Variants in TMTC3 observed in about 807,000 individuals in gnomAD.
The protein encoded by TMTC3 is transmembrane O-mannosyltransferase targeting cadherins 3.
A neutral mutation model predicts 92.2 loss-of-function variants in TMTC3; 52 were observed. That is an observed-to-expected ratio of 0.56 (90% CI 0.45 to 0.71). TMTC3 has a LOEUF of 0.71. Among genes scored for constraint, TMTC3 ranks in the 30% least tolerant of loss-of-function variants. The pLI is 0.00. For missense variants in TMTC3, 896 were observed against 1,057.1 expected (o/e 0.85, Z 2.11); for synonymous variants, 339 against 363.3 (o/e 0.93, Z 0.76).
chr12:88,166,208 G>A (rs930627610), intron 6 of TMTC3, 122 bp from the exon 7 acceptor site: 2 of 962,592 alleles, frequency 2.1e-6, no homozygotes, highest in Non-Finnish European at 3.0e-6. Context: ...CATAACATTT[G>A]TCTGTGTCTT....
At chr12:88,190,884 C>T (rs1342570799) in intron 12 of TMTC3, among the ~76,000 whole-genome samples, 1 of 152,102 alleles carries the variant, frequency 6.6e-6, no homozygotes, top group Admixed American at 6.5e-5. Flanking sequence ...GTCTTAGTTG[C>T]ATTTTCTTCC....
intron 9 of TMTC3, 32 bp downstream of exon 9, chr12:88,174,759 TG>T: frequency 6.2e-7 from 1 of 1,608,574 alleles, no homozygotes; most frequent in South Asian, 1.1e-5. Context: ...CAGGAAAGTA[TG>T]TCATCAGTGA....
intron 12 of TMTC3, 74 bp downstream of exon 12, chr12:88,190,696 G>T: frequency 3.5e-6 from 5 of 1,448,792 alleles, no homozygotes; most frequent in Admixed American, 2.1e-5. Context: ...TGAATGAATT[G>T]GTTTTTTTTG....
chr12:88,175,980 T>G (rs1257800137), intron 9 of TMTC3, among the ~76,000 whole-genome samples: 3 of 152,164 alleles, frequency 2.0e-5, no homozygotes, highest in African/African-American at 7.2e-5. Flanking sequence ...CAGTAAAATG[T>G]TAATATATAA....
At chr12:88,146,291 C>T (rs1397698971) in intron 1 of TMTC3, among the ~76,000 whole-genome samples, 1 of 152,090 alleles carries the variant, frequency 6.6e-6, no homozygotes, top group Non-Finnish European at 1.5e-5. Context: ...TTTATAACTT[C>T]TTCCCCATTG....
At chr12:88,144,850 T>C (rs2040853236) in intron 1 of TMTC3, among the ~76,000 whole-genome samples, 1 of 152,200 alleles carries the variant, frequency 6.6e-6, no homozygotes, top group South Asian at 2.1e-4. Context: ...AATAACTCAC[T>C]GTATATTTTT....
At chr12:88,193,430 G>A (rs1319081573) in intron 13 of TMTC3, among the ~76,000 whole-genome samples, 1 of 151,890 alleles carries the variant, frequency 6.6e-6, no homozygotes, top group Non-Finnish European at 1.5e-5. Flanking sequence ...TAGTGTATAT[G>A]ATTTATAATC....
At chr12:88,190,399 T>A in intron 11 of TMTC3, 54 bp from the exon 12 acceptor site, 1 of 1,542,420 alleles carries the variant, frequency 6.5e-7, no homozygotes, top group Non-Finnish European at 8.9e-7. Context: ...ATATGTACTT[T>A]TGATTTTTGA....
intron 6 of TMTC3, among the ~76,000 whole-genome samples, chr12:88,161,334 A>G (rs2471542): frequency 0.77 from 117,842 of 152,130 alleles, 51,104 homozygotes; most frequent in East Asian, 0.96. Context: ...CTTCATCCCT[A>G]GTAATAGTCT....
chr12:88,147,977 T>C (rs1051300490), intron 1 of TMTC3, among the ~76,000 whole-genome samples: 5 of 152,118 alleles, frequency 3.3e-5, no homozygotes, highest in Non-Finnish European at 1.5e-5. Flanking sequence ...TTCCCTGTTA[T>C]CAGAGACCCT....
Position 88,174,673 on chromosome 12 carries a change from C to A in TMTC3, c.1266C>A (p.Phe422Leu). 2 of 1,612,364 alleles carry A rather than the reference C, an allele frequency of 1.2e-6. No homozygotes were observed. The highest frequency in any genetic ancestry group is 1.7e-6 in the Non-Finnish European group (2 of 1,178,966). Reference sequence around the variant, plus strand: ...TACTCACTCATTCCTTAAAAACATTCCACAGAAATTGGGATTGGGAGTCTG... The same window carrying A: ...TACTCACTCATTCCTTAAAAACATTACACAGAAATTGGGATTGGGAGTCTG... ...MVILTHSLKT[F>L]HRNWDWESEY... is the part of the protein sequence containing the mutation. The change falls in exon 9 of 14, where the codon TTC becomes TTA. Residue 422 changes from phenylalanine (F) to leucine (L), a missense_variant. By Grantham distance (22) the Phe-to-Leu change is conservative. Coordinates refer to ENST00000266712, the MANE Select transcript of TMTC3 (RefSeq NM_181783.4).
At chr12:88,161,262 G>A (rs532907951) in intron 6 of TMTC3, among the ~76,000 whole-genome samples, 20 of 152,160 alleles carry the variant, frequency 1.3e-4, no homozygotes, top group African/African-American at 4.1e-4. Context: ...TATTAGGTGC[G>A]TAAACAACTA....
chr12:88,179,737 C>T (rs76210888), intron 10 of TMTC3, among the ~76,000 whole-genome samples: 3,130 of 151,912 alleles, frequency 0.021, 96 homozygotes, highest in African/African-American at 0.069. Flanking sequence ...AGGCCCCGGT[C>T]GCATTTATTT....
chr12:88,187,541 G>A (rs2041392057), intron 10 of TMTC3, among the ~76,000 whole-genome samples: 1 of 151,866 alleles, frequency 6.6e-6, no homozygotes, highest in Admixed American at 6.6e-5. Context: ...ACCCCTCCTG[G>A]CTCCATGAGA....
chr12:88,175,116 G>A (rs1381840952), intron 9 of TMTC3, among the ~76,000 whole-genome samples: 1 of 151,146 alleles, frequency 6.6e-6, no homozygotes, highest in African/African-American at 2.4e-5. Context: ...TCTCTTAATG[G>A]TACTTAAAAT....
At position 88,195,534 on chromosome 12, in the gene TMTC3, A is replaced by T; in HGVS notation, c.2630A>T (p.Asn877Ile). 1 of 1,613,426 alleles carries T rather than the reference A, an allele frequency of 6.2e-7. No individual in the cohort carries two copies. Among genetic ancestry groups the T allele is most frequent in the Non-Finnish European group, 8.5e-7 (1 of 1,179,732 alleles). ...AAATCCAACAAACAATTAGGAAAAA[A>T]TGGAGACGAAGAGACACCCCACAAA... ...QSKSNKQLGKNGDEETPHKTT... is the reference protein window; with the variant it reads ...QSKSNKQLGKIGDEETPHKTT... The change falls in exon 14 of 14, where the codon AAT becomes ATT. Residue 877 changes from asparagine (N) to isoleucine (I), a missense_variant. Transcript: ENST00000266712.
intron 2 of TMTC3, among the ~76,000 whole-genome samples, chr12:88,151,110 G>C (rs2040937488): frequency 6.9e-6 from 1 of 144,264 alleles, no homozygotes; most frequent in Non-Finnish European, 1.5e-5. Context: ...GTGGGATATA[G>C]GTATCAATAT....
intron 2 of TMTC3, 67 bp downstream of exon 2, chr12:88,148,571 T>C (rs907081095): frequency 3.4e-6 from 4 of 1,170,106 alleles, no homozygotes; most frequent in Non-Finnish European, 4.8e-6. Context: ...ATTTTATTAC[T>C]TCTAATTCTT....
At chr12:88,172,935 T>A (rs1307538938) in intron 8 of TMTC3, 190 bp downstream of exon 8, 1 of 1,480,302 alleles carries the variant, frequency 6.8e-7, no homozygotes, top group East Asian at 2.7e-5. Flanking sequence ...TTCTGTGTTC[T>A]TCCCTATATT....
Sources: allele counts gnomAD v4.1 joint callset (sites outside exome capture counted in the v4.1 genomes callset), GRCh38; gene constraint gnomAD v4.1.1; transcripts MANE v1.5; gene names NCBI Gene and HGNC (gene_info 2026-07-23, HGNC 2026-07-21).